The following AKT3 variants were observed in gnomAD, a reference collection of about 807,000 sequenced individuals.
The protein encoded by AKT3 is AKT serine/threonine kinase 3, also known as RAC-gamma serine/threonine-protein kinase.
Under a neutral mutation model 65.3 loss-of-function variants are expected in AKT3, and 15 were observed. The ratio of observed to expected loss-of-function variants is 0.23; its 90% CI spans 0.15 to 0.35. The LOEUF (loss-of-function observed/expected upper bound fraction) is 0.35, where lower values mean the gene tolerates loss of function less well. AKT3 is among the 10% of genes least tolerant of loss of function. The probability of loss-of-function intolerance (pLI) is 1.00; values close to 1 mark genes in which losing one functional copy is unlikely to be tolerated. For missense variants in AKT3, 243 were observed against 576.5 expected (o/e 0.42, Z 5.92); for synonymous variants, 206 against 183.8 (o/e 1.12, Z -0.98).
Position 243,500,772 on chromosome 1 carries a change from A to T in AKT3, c.*4477T>A, listed in dbSNP as rs1277980232. ...AGAAGTGATGTGGATTAGGCTTTGG[A>T]GGCGGTGGCATGATCTACACACAGA... On this transcript the variant is annotated 3_prime_UTR_variant, in exon 14 of 14. Coordinates refer to ENST00000673466, the MANE Select transcript of AKT3 (RefSeq NM_005465.7). 4.7e-6 allele frequency: 1 copy of T among 210,590 alleles called. No homozygotes were observed. Among genetic ancestry groups the T allele is most frequent in the Non-Finnish European group, 9.3e-6 (1 of 107,494 alleles). 13.0% of individuals were successfully genotyped at this position (210,590 alleles called of 1,614,324 possible). A position where few individuals can be genotyped will look rare whatever the true frequency, so the allele number is the denominator to read the frequency against.
Position 243,666,066 on chromosome 1 carries a change from C to T in AKT3, c.173-1183G>A, listed in dbSNP as rs573850663. On this transcript the variant is annotated intron_variant, in intron 3 of 13. Coordinates refer to ENST00000673466, the MANE Select transcript of AKT3 (RefSeq NM_005465.7). ...TCACCCAGGCTGGAGTGCAGTGGCG[C>T]GATCTCGGCTCACCGTAACCTCTGC... Among the ~76,000 whole-genome samples the T allele has an allele frequency of 1.2e-4, 19 of 152,126 alleles. No individual in the cohort carries two copies. In the South Asian group the frequency reaches 2.3e-3, roughly 18 times the overall value.
chr1:243,587,330 G>T (rs142046591), intron 8 of AKT3, among the ~76,000 whole-genome samples: 1 of 152,098 alleles, frequency 6.6e-6, no homozygotes, highest in Non-Finnish European at 1.5e-5. Context: ...AAAAATATAC[G>T]CTGGGTACAG....
intron 6 of AKT3, among the ~76,000 whole-genome samples, chr1:243,617,649 G>C (rs1678430038): frequency 6.6e-6 from 1 of 152,114 alleles, no homozygotes; most frequent in South Asian, 2.1e-4. Context: ...AATGCTATTG[G>C]TAGAGTGTAA....
chr1:243,701,267 A>G (rs1293927493), intron 2 of AKT3, among the ~76,000 whole-genome samples: 1 of 152,216 alleles, frequency 6.6e-6, no homozygotes, highest in East Asian at 1.9e-4. Context: ...AGATCTTCAG[A>G]AATAATTCAG....
intron 8 of AKT3, among the ~76,000 whole-genome samples, chr1:243,579,790 T>C (rs1179306185): frequency 1.3e-5 from 2 of 152,162 alleles, no homozygotes. Context: ...TTTTAGGTTA[T>C]AAAAATTTAA....
At chr1:243,835,757 G>A (rs943220788) in intron 2 of AKT3, among the ~76,000 whole-genome samples, 2 of 152,020 alleles carry the variant, frequency 1.3e-5, no homozygotes, top group Non-Finnish European at 2.9e-5. Flanking sequence ...AATGCATACT[G>A]TTAGTGGAAT....
intron 6 of AKT3, among the ~76,000 whole-genome samples, chr1:243,625,467 G>A (rs970896617): frequency 6.6e-6 from 1 of 152,126 alleles, no homozygotes; most frequent in African/African-American, 2.4e-5. Flanking sequence ...TAAAATGAAA[G>A]TAAGAGAGAG....
Position 243,499,993 on chromosome 1 carries a change from G to GTGTA in AKT3, c.*5252_*5255dup, listed in dbSNP as rs1211399410. ...TGACTCTAGCTGAGCAGAGCTCCTG[G>GTGTA]TGTATGTTTTCAGAAATGGCTTGAA... On this transcript the variant is annotated 3_prime_UTR_variant, in exon 14 of 14. Transcript: ENST00000673466. 36 of 601,856 alleles carry GTGTA rather than the reference G, an allele frequency of 6.0e-5. No individual in the cohort carries two copies. The highest frequency in any genetic ancestry group is 2.1e-5 in the South Asian group (1 of 48,660). The allele number at this position is 601,856 out of a possible 1,614,324, so 37.3% of individuals were successfully genotyped here.
chr1:243,511,168 A>G (rs537049279), intron 13 of AKT3, among the ~76,000 whole-genome samples: 2 of 152,374 alleles, frequency 1.3e-5, no homozygotes, highest in South Asian at 2.1e-4. Context: ...TAGCCTGGAC[A>G]TCGGTCAAGT....
chr1:243,681,524 C>A (rs1267780213), intron 3 of AKT3, among the ~76,000 whole-genome samples: 1 of 152,130 alleles, frequency 6.6e-6, no homozygotes, highest in African/African-American at 2.4e-5. Context: ...CCATCTACGA[C>A]ATCTATATTT....
At chr1:243,760,529 C>T (rs1326587484) in intron 2 of AKT3, among the ~76,000 whole-genome samples, 1 of 152,054 alleles carries the variant, frequency 6.6e-6, no homozygotes, top group Non-Finnish European at 1.5e-5. Context: ...ACCTACTCAC[C>T]TAAAATTATT....
intron 6 of AKT3, among the ~76,000 whole-genome samples, chr1:243,623,854 C>T (rs955528681): frequency 6.6e-6 from 1 of 152,176 alleles, no homozygotes; most frequent in Non-Finnish European, 1.5e-5. Flanking sequence ...TATATGTATC[C>T]GATTGTGTCT....
intron 3 of AKT3, among the ~76,000 whole-genome samples, chr1:243,671,737 T>C (rs2147943550): frequency 6.6e-6 from 1 of 152,306 alleles, no homozygotes; most frequent in South Asian, 2.1e-4. Flanking sequence ...ATTCATTTAA[T>C]CCAAAGGAAA....
intron 8 of AKT3, among the ~76,000 whole-genome samples, chr1:243,583,174 A>G (rs1221518382): frequency 1.8e-5 from 2 of 108,942 alleles, no homozygotes; most frequent in African/African-American, 6.1e-5. Flanking sequence ...GTGTGTGTAT[A>G]TATATATATA....
intron 8 of AKT3, among the ~76,000 whole-genome samples, chr1:243,598,351 T>C (rs1314502494): frequency 1.3e-5 from 2 of 152,230 alleles, no homozygotes; most frequent in South Asian, 2.1e-4. Flanking sequence ...AGGGAGCTTA[T>C]CTTTATCAAG....
At chr1:243,506,861 GCAAGTCACACA>G (rs1669702051) in intron 13 of AKT3, among the ~76,000 whole-genome samples, 1 of 152,188 alleles carries the variant, frequency 6.6e-6, no homozygotes, top group East Asian at 1.9e-4. Flanking sequence ...TTTGTACCAA[GCAAGTCACACA>G]CATCTTTTAG....
intron 2 of AKT3, among the ~76,000 whole-genome samples, chr1:243,807,883 G>A (rs1484089722): frequency 6.6e-6 from 1 of 152,142 alleles, no homozygotes; most frequent in Non-Finnish European, 1.5e-5. Context: ...ACCAATATTT[G>A]CTGTTCTGCA....
At chr1:243,522,571 T>G (rs186175216) in intron 12 of AKT3, among the ~76,000 whole-genome samples, 1 of 151,944 alleles carries the variant, frequency 6.6e-6, no homozygotes, top group Non-Finnish European at 1.5e-5. Flanking sequence ...AGGTGGAAGG[T>G]TGAGGGTGAA....
intron 5 of AKT3, among the ~76,000 whole-genome samples, chr1:243,643,673 G>A (rs1414597498): frequency 6.6e-6 from 1 of 152,154 alleles, no homozygotes; most frequent in Non-Finnish European, 1.5e-5. Flanking sequence ...CCACCACTAA[G>A]GGAGGTAACG....
Sources: allele counts gnomAD v4.1 joint callset (sites outside exome capture counted in the v4.1 genomes callset), GRCh38; gene constraint gnomAD v4.1.1; transcripts MANE v1.5; gene names NCBI Gene and HGNC (gene_info 2026-07-23, HGNC 2026-07-21).